PRR15: variants seen among roughly 807,000 people sequenced by gnomAD.
The protein encoded by PRR15 is proline-rich protein 15.
A neutral mutation model predicts 3.0 loss-of-function variants in PRR15; 4 were observed. The ratio of observed to expected loss-of-function variants is 1.34; its 90% confidence interval spans 0.66 to 3.08. The LOEUF is 3.08. Ranked by LOEUF, PRR15 falls within the 30% of genes most tolerant of loss-of-function variation. The pLI is 0.01. For missense variants in PRR15, 200 were observed against 179.5 expected (o/e 1.11, Z -0.65); for synonymous variants, 82 against 79.8 (o/e 1.03, Z -0.14).
In PRR15 at chr7:29,566,753, C is replaced by A. The variant is rs755968165; in HGVS notation, c.*34C>A. 1.3e-5 allele frequency: 19 copies of A among 1,498,954 alleles called. No individual in the cohort carries two copies. The highest frequency in any genetic ancestry group is 1.5e-5 in the Non-Finnish European group (17 of 1,119,256). The allele number at this position is 1,498,954 out of a possible 1,614,324, so 92.9% of individuals were successfully genotyped here. A position where few individuals can be genotyped will look rare whatever the true frequency, so the allele number is the denominator to read the frequency against. On this transcript the variant is annotated 3_prime_UTR_variant, in exon 2 of 2. Transcript: ENST00000319694. ...GCCTGCGCGCTCCAGGACTGCCTACCCAGCACTACCCCAAACCCCCAGTTC... is the reference window on the plus strand; with the variant it reads ...GCCTGCGCGCTCCAGGACTGCCTACACAGCACTACCCCAAACCCCCAGTTC...
At position 29,566,747 on chromosome 7, in the gene PRR15, GC is replaced by G; in HGVS notation, c.*30del. 6.6e-7 allele frequency: 1 copy of G among 1,515,350 alleles called. No homozygotes were observed. Among genetic ancestry groups the G allele is most frequent in the Non-Finnish European group, 8.9e-7 (1 of 1,127,362 alleles). 93.9% of individuals were successfully genotyped at this position (1,515,350 alleles called of 1,614,324 possible). A position where few individuals can be genotyped will look rare whatever the true frequency, so the allele number is the denominator to read the frequency against. On this transcript the variant is annotated 3_prime_UTR_variant, in exon 2 of 2. Transcript: ENST00000319694. Reference sequence around the variant, plus strand: ...CCAATAGCCTGCGCGCTCCAGGACTGCCTACCCAGCACTACCCCAAACCCCC... The same window carrying G: ...CCAATAGCCTGCGCGCTCCAGGACTGCTACCCAGCACTACCCCAAACCCCC...
At chr7:29,564,950 ACCT>A (rs1311853207) in intron 1 of PRR15, among the ~76,000 whole-genome samples, 11 of 152,286 alleles carry the variant, frequency 7.2e-5, no homozygotes, top group African/African-American at 2.6e-4. Context: ...CGGGAGGAGA[ACCT>A]CCTACAACAA....
intron 1 of PRR15, among the ~76,000 whole-genome samples, chr7:29,565,933 G>C (rs6462161): frequency 0.66 from 100,955 of 152,132 alleles, 33,664 homozygotes; most frequent in Middle Eastern, 0.79. Flanking sequence ...TCCCCTGAAG[G>C]AAAGGCAAAG....
chr7:29,566,823 C>A lies in PRR15; in HGVS notation c.*104C>A. The A allele has an allele frequency of 1.8e-6, 2 of 1,137,382 alleles. No homozygotes were observed. The highest frequency in any genetic ancestry group is 2.4e-6 in the Non-Finnish European group (2 of 819,928). The allele number at this position is 1,137,382 out of a possible 1,614,324, so 70.5% of individuals were successfully genotyped here. A position where few individuals can be genotyped will look rare whatever the true frequency, so the allele number is the denominator to read the frequency against. On this transcript the variant is annotated 3_prime_UTR_variant, in exon 2 of 2. Coordinates refer to ENST00000319694, the MANE Select transcript of PRR15 (RefSeq NM_175887.3). Reference sequence around the variant, plus strand: ...CCGCCCCCTTACGCGTTGTCTCATTCCACCAAATTCAGAATATTTACACAA... The same window carrying A: ...CCGCCCCCTTACGCGTTGTCTCATTACACCAAATTCAGAATATTTACACAA...
Position 29,566,325 on chromosome 7 carries a change from C to T in PRR15, c.-5C>T, listed in dbSNP as rs776326137. The T allele has an allele frequency of 1.2e-6, 2 of 1,603,880 alleles. No individual in the cohort carries two copies. The highest frequency in any genetic ancestry group is 1.3e-5 in the African/African-American group (1 of 74,848). On this transcript the variant is annotated 5_prime_UTR_variant, in exon 2 of 2. Transcript: ENST00000319694. The stretch of plus-strand genomic sequence containing the variant: ...GGGTGCCGGGAGCCCCTAGGCCCTC[C>T]GGCCATGGCCGACAGCGGCGATGCT...
rs1792899412 is a variant in PRR15 at position 29,566,266 on chromosome 7, C to T, written c.-64C>T. The T allele has an allele frequency of 4.0e-6, 6 of 1,496,398 alleles. No individual in the cohort carries two copies. The South Asian group carries it at 6.5e-5, about 16-fold the overall frequency. 92.7% of individuals were successfully genotyped at this position (1,496,398 alleles called of 1,614,324 possible). On this transcript the variant is annotated 5_prime_UTR_variant, in exon 2 of 2. In the 5' UTR this introduces an upstream ATG that the reference lacks. Coordinates refer to ENST00000319694, the MANE Select transcript of PRR15 (RefSeq NM_175887.3). ...GGGTGGAGTGAACGGCCGGAGACCA[C>T]GTGGAGAAAGGGGCCGCTTTGGCCC...
chr7:29,564,421 G>A (rs1299226271), intron 1 of PRR15, 44 bp downstream of exon 1: 1 of 152,274 alleles, frequency 6.6e-6, no homozygotes, highest in Non-Finnish European at 1.5e-5. Flanking sequence ...GACAGAGCCT[G>A]GCCCCGGGGG....
Position 29,563,873 on chromosome 7 carries a change from G to A in PRR15, c.-650G>A, listed in dbSNP as rs1049246191. On this transcript the variant is annotated 5_prime_UTR_variant, in exon 1 of 2. Coordinates refer to ENST00000319694, the MANE Select transcript of PRR15 (RefSeq NM_175887.3). ...CTCCCCCAGCTGCCCCAGGGTTCTG[G>A]TTTCCCGAATCACTTGGCAAATAAC... The A allele has an allele frequency of 6.6e-6, 1 of 152,268 alleles. No individual in the cohort carries two copies. Among genetic ancestry groups the A allele is most frequent in the Admixed American group, 6.5e-5 (1 of 15,292 alleles). 9.4% of individuals were successfully genotyped at this position (152,268 alleles called of 1,614,324 possible).
intron 1 of PRR15, among the ~76,000 whole-genome samples, chr7:29,564,699 G>T (rs1413196390): frequency 6.6e-6 from 1 of 152,210 alleles, no homozygotes; most frequent in Non-Finnish European, 1.5e-5. Context: ...TTGCTTTTCC[G>T]ATCTGCAAAG....
At position 29,566,530 on chromosome 7, in the gene PRR15, C is replaced by A. The variant is rs1358128482; in HGVS notation, c.201C>A (p.Gly67=). The stretch of plus-strand genomic sequence containing the variant: ...ACCAGCACCCCAATCTCCTCGGGGG[C>A]GCCGGCGAGCCCCCCAAACCAGACA... ...RENQHPNLLG[G]AGEPPKPDKL... The change falls in exon 2 of 2, where the codon GGC becomes GGA. Residue 67 remains glycine (G), a synonymous_variant. Transcript: ENST00000319694. 4 of 1,605,888 alleles carry A rather than the reference C, an allele frequency of 2.5e-6. No homozygotes were observed. In the South Asian group the frequency reaches 4.4e-5, roughly 18 times the overall value.
At position 29,567,154 on chromosome 7, in the gene PRR15, T is replaced by C. The variant is rs963008794; in HGVS notation, c.*435T>C. 6 of 174,114 alleles carry C rather than the reference T, an allele frequency of 3.4e-5. No homozygotes were observed. Among genetic ancestry groups the C allele is most frequent in the Non-Finnish European group, 8.2e-5 (6 of 73,258 alleles). 10.8% of individuals were successfully genotyped at this position (174,114 alleles called of 1,614,324 possible). ...GAAATGCACTTTAGGGGTAGACTTATACCTTAAGTGAAGGAGTGGGGGAGG... is the reference window on the plus strand; with the variant it reads ...GAAATGCACTTTAGGGGTAGACTTACACCTTAAGTGAAGGAGTGGGGGAGG... On this transcript the variant is annotated 3_prime_UTR_variant, in exon 2 of 2. Coordinates refer to ENST00000319694, the MANE Select transcript of PRR15 (RefSeq NM_175887.3).
In PRR15 at chr7:29,566,973, G is replaced by T. The variant is rs930370830; in HGVS notation, c.*254G>T. On this transcript the variant is annotated 3_prime_UTR_variant, in exon 2 of 2. Coordinates refer to ENST00000319694, the MANE Select transcript of PRR15 (RefSeq NM_175887.3). ...AAGATACCTGCCGCGGAGGAGGGTGGCATAATTATTTTTTTTTCAAAAAGC... is the reference window on the plus strand; with the variant it reads ...AAGATACCTGCCGCGGAGGAGGGTGTCATAATTATTTTTTTTTCAAAAAGC... 14 of 349,100 alleles carry T rather than the reference G, an allele frequency of 4.0e-5. No homozygotes were observed. Among genetic ancestry groups the T allele is most frequent in the East Asian group, 2.5e-4 (6 of 24,360 alleles). The allele number at this position is 349,100 out of a possible 1,614,324, so 21.6% of individuals were successfully genotyped here.
chr7:29,565,189 G>T (rs1191290197), intron 1 of PRR15, among the ~76,000 whole-genome samples: 2 of 152,220 alleles, frequency 1.3e-5, no homozygotes. Flanking sequence ...TCTGCAGAGG[G>T]GGGGTCTTAG....
chr7:29,566,865 T>G lies in PRR15; in HGVS notation c.*146T>G. ...TTTACACAATGCCTTCATGATTTTA[T>G]TTTTCTGGAAATTGAAGTGTCAATT... is the stretch of plus-strand genomic sequence containing the variant. On this transcript the variant is annotated 3_prime_UTR_variant, in exon 2 of 2. Coordinates refer to ENST00000319694, the MANE Select transcript of PRR15 (RefSeq NM_175887.3). 1 of 791,050 alleles carries G rather than the reference T, an allele frequency of 1.3e-6. No individual in the cohort carries two copies. The highest frequency in any genetic ancestry group is 1.9e-6 in the Non-Finnish European group (1 of 519,574). The allele number at this position is 791,050 out of a possible 1,614,324, so 49.0% of individuals were successfully genotyped here.
chr7:29,564,922 TC>T (rs1475040073), intron 1 of PRR15, among the ~76,000 whole-genome samples: 1 of 152,188 alleles, frequency 6.6e-6, no homozygotes, highest in African/African-American at 2.4e-5. Context: ...CGATCAGACT[TC>T]CTCTCCCTGG....
chr7:29,566,910 A>T lies in PRR15; in HGVS notation c.*191A>T. 1.9e-6 allele frequency: 1 copy of T among 535,922 alleles called. No homozygotes were observed. The highest frequency in any genetic ancestry group is 3.2e-6 in the Non-Finnish European group (1 of 311,094). 33.2% of individuals were successfully genotyped at this position (535,922 alleles called of 1,614,324 possible). A position where few individuals can be genotyped will look rare whatever the true frequency, so the allele number is the denominator to read the frequency against. ...TCAATTGGGTTCTCAATATTTCATGACTCCAAGGATGCATTAAATATTTAT... is the reference window on the plus strand; with the variant it reads ...TCAATTGGGTTCTCAATATTTCATGTCTCCAAGGATGCATTAAATATTTAT... On this transcript the variant is annotated 3_prime_UTR_variant, in exon 2 of 2. Coordinates refer to ENST00000319694, the MANE Select transcript of PRR15 (RefSeq NM_175887.3).
Position 29,566,434 on chromosome 7 carries a change from C to T in PRR15, c.105C>T (p.Ala35=). 6.2e-7 allele frequency: 1 copy of T among 1,606,282 alleles called. No homozygotes were observed. Residue 35 remains alanine (A), a synonymous_variant, in exon 2 of 2, where the codon GCC becomes GCT. Coordinates refer to ENST00000319694, the MANE Select transcript of PRR15 (RefSeq NM_175887.3). ...KEAAVGVPPP[A]QPAPGEPTPP... The stretch of plus-strand genomic sequence containing the variant: ...CCGCAGTGGGGGTGCCGCCTCCCGC[C>T]CAGCCCGCTCCCGGGGAGCCCACGC...
At chr7:29,565,089 G>A (rs1411239744) in intron 1 of PRR15, among the ~76,000 whole-genome samples, 1 of 152,254 alleles carries the variant, frequency 6.6e-6, no homozygotes, top group Non-Finnish European at 1.5e-5. Flanking sequence ...GCCGTTGCTG[G>A]TGGCAGCGCC....
At chr7:29,565,936 A>G (rs1007002031) in intron 1 of PRR15, among the ~76,000 whole-genome samples, 4 of 152,194 alleles carry the variant, frequency 2.6e-5, no homozygotes, top group African/African-American at 9.7e-5. Flanking sequence ...CCTGAAGGAA[A>G]GGCAAAGGTT....
Sources: gnomAD v4.1 joint callset for allele counts (sites outside exome capture counted in the v4.1 genomes callset) on GRCh38, gnomAD v4.1.1 for gene constraint, MANE v1.5 for transcripts, NCBI Gene and HGNC (gene_info 2026-07-23, HGNC 2026-07-21) for gene names.